SNX2: variants seen among roughly 807,000 people sequenced by gnomAD.
SNX2 encodes the protein sorting nexin 2.
In SNX2, 25 loss-of-function variants were observed where a neutral mutation model predicts 69.9. The observed-to-expected ratio is 0.36, with a 90% CI of 0.26 to 0.50. The LOEUF is 0.50. Among genes scored for constraint, SNX2 ranks in the 20% least tolerant of loss-of-function variants. SNX2 has a pLI of 0.97. For missense variants in SNX2, 551 were observed against 613.3 expected (o/e 0.90, Z 1.07); for synonymous variants, 229 against 200.4 (o/e 1.14, Z -1.20).
chr5:122,796,617 T>C (rs190821539), intron 2 of SNX2, among the ~76,000 whole-genome samples: 4 of 152,350 alleles, frequency 2.6e-5, no homozygotes, highest in African/African-American at 7.2e-5. Flanking sequence ...TTGTATCTTA[T>C]GCTAAAAGAT....
chr5:122,827,910 C>T, intron 14 of SNX2: 1 of 341,964 alleles, frequency 2.9e-6, no homozygotes, highest in East Asian at 4.9e-5. Context: ...GGCAACTTTC[C>T]CCTTTCACTG....
chr5:122,799,916 T>G, intron 3 of SNX2, 61 bp downstream of exon 3: 1 of 1,283,620 alleles, frequency 7.8e-7, no homozygotes, highest in Non-Finnish European at 1.1e-6. Flanking sequence ...CCACCCAACA[T>G]CACTCTGCTG....
At chr5:122,824,036 C>G (rs893920831) in intron 11 of SNX2, among the ~76,000 whole-genome samples, 1 of 151,836 alleles carries the variant, frequency 6.6e-6, no homozygotes, top group African/African-American at 2.4e-5. Context: ...CCCGTCTCTT[C>G]TAAAAATAAA....
intron 6 of SNX2, among the ~76,000 whole-genome samples, chr5:122,805,803 T>C (rs1468592979): frequency 6.6e-6 from 1 of 152,062 alleles, no homozygotes; most frequent in Middle Eastern, 3.2e-3. Flanking sequence ...TTTCTTGAGA[T>C]GGAGTCTTGC....
At chr5:122,829,491 T>C in intron 14 of SNX2, 107 bp from the exon 15 acceptor site, 1 of 803,140 alleles carries the variant, frequency 1.2e-6, no homozygotes, top group Admixed American at 2.3e-5. Context: ...AGGTGTGAGC[T>C]ACCCAGCCCG....
chr5:122,780,471 G>A (rs1752952235), intron 1 of SNX2, among the ~76,000 whole-genome samples: 1 of 151,978 alleles, frequency 6.6e-6, no homozygotes, highest in Admixed American at 6.5e-5. Flanking sequence ...GAATAAGACA[G>A]GAGACACTTT....
At chr5:122,780,361 G>A (rs1356756479) in intron 1 of SNX2, among the ~76,000 whole-genome samples, 1 of 152,122 alleles carries the variant, frequency 6.6e-6, no homozygotes. Context: ...TGATATATGT[G>A]TAATTAAAAT....
intron 1 of SNX2, among the ~76,000 whole-genome samples, chr5:122,791,637 G>A (rs1325538296): frequency 3.9e-5 from 6 of 152,108 alleles, no homozygotes; most frequent in Non-Finnish European, 5.9e-5. Context: ...GGCTGGTCTC[G>A]AACTCCTGAC....
rs373271822 is a variant in SNX2, at chr5:122,799,670, A to C, written c.227-22A>C. 18 of 1,595,148 alleles carry C rather than the reference A, an allele frequency of 1.1e-5. No homozygotes were observed. In the African/African-American group the frequency reaches 2.4e-4, roughly 22 times the overall value. Reference sequence around the variant, plus strand: ...GGTTTGCTTGCCAGTGTTCTTAACTAACTTGTTTAATCTATGTCTAGAAGC... The same window carrying C: ...GGTTTGCTTGCCAGTGTTCTTAACTCACTTGTTTAATCTATGTCTAGAAGC... On this transcript the variant is annotated intron_variant, in intron 2 of 14. Coordinates refer to ENST00000379516, the MANE Select transcript of SNX2 (RefSeq NM_003100.4).
intron 7 of SNX2, among the ~76,000 whole-genome samples, chr5:122,812,252 G>A (rs1753795091): frequency 6.6e-6 from 1 of 152,092 alleles, no homozygotes; most frequent in Admixed American, 6.5e-5. Context: ...CCTTTTAATG[G>A]ACTACAAGAC....
chr5:122,792,532 G>T, intron 1 of SNX2, among the ~76,000 whole-genome samples: 1 of 151,658 alleles, frequency 6.6e-6, no homozygotes, highest in East Asian at 1.9e-4. Flanking sequence ...GGGAGGTGGA[G>T]GTTACAGTGA....
chr5:122,818,669 A>G (rs1753952598), intron 10 of SNX2, 149 bp from the exon 11 acceptor site: 2 of 642,518 alleles, frequency 3.1e-6, no homozygotes, highest in East Asian at 5.7e-5. Context: ...AGGCATTTTA[A>G]CGACTAATTG....
At position 122,799,696 on chromosome 5, in the gene SNX2, C is replaced by G; in HGVS notation, c.231C>G (p.Ala77=). The change falls in exon 3 of 15, where the codon GCC becomes GCG. Residue 77 remains alanine (A), a synonymous_variant. Coordinates refer to ENST00000379516, the MANE Select transcript of SNX2 (RefSeq NM_003100.4). The stretch of plus-strand genomic sequence containing the variant: ...ACTTGTTTAATCTATGTCTAGAAGC[C>G]ACAGAAGAAGTTTCTTTGGACAGCC... The part of the protein sequence containing the change: ...DDDREDLFAE[A]TEEVSLDSPE... 6.2e-7 allele frequency: 1 copy of G among 1,610,526 alleles called. No homozygotes were observed. Among genetic ancestry groups the G allele is most frequent in the Non-Finnish European group, 8.5e-7 (1 of 1,178,118 alleles).
chr5:122,809,149 T>C (rs1753715414), intron 7 of SNX2, among the ~76,000 whole-genome samples: 1 of 152,154 alleles, frequency 6.6e-6, no homozygotes, highest in Non-Finnish European at 1.5e-5. Context: ...AACAACTGTT[T>C]TCATAGTATT....
intron 10 of SNX2, among the ~76,000 whole-genome samples, chr5:122,817,787 T>A (rs932407102): frequency 9.2e-5 from 14 of 152,182 alleles, no homozygotes; most frequent in Middle Eastern, 3.4e-3. Context: ...TTTTGAAAAT[T>A]TTTTGGAAAG....
rs751530683 is a variant in SNX2, at chr5:122,802,143, T to TA, written c.501+26dup. 3.7e-6 allele frequency: 6 copies of TA among 1,606,926 alleles called. No homozygotes were observed. The highest frequency in any genetic ancestry group is 4.3e-6 in the Non-Finnish European group (5 of 1,173,722). On this transcript the variant is annotated intron_variant, in intron 5 of 14. Transcript: ENST00000379516. ...AACAAAGGTGAGCTTTTTGTGCTTT[T>TA]AAAAAAACTATCGAGCCCTCATTAT...
At chr5:122,818,773 T>A in intron 10 of SNX2, 45 bp from the exon 11 acceptor site, 2 of 1,517,866 alleles carry the variant, frequency 1.3e-6, no homozygotes, top group Non-Finnish European at 1.8e-6. Context: ...ATTTTAAAAT[T>A]TTATGAGTGA....
At position 122,824,159 on chromosome 5, in the gene SNX2, G is replaced by A. The variant is rs1424393691; in HGVS notation, c.1213-1891G>A. Among the ~76,000 whole-genome samples, 4 of 148,742 alleles carry A rather than the reference G, an allele frequency of 2.7e-5. No individual in the cohort carries two copies. In the South Asian group the frequency reaches 6.4e-4, roughly 24 times the overall value. Reference sequence around the variant, plus strand: ...GGAGCTCGCAGTGAGCTGAGATCGCGCCACTGCACTCCAGCCTGGGCAACA... The same window carrying A: ...GGAGCTCGCAGTGAGCTGAGATCGCACCACTGCACTCCAGCCTGGGCAACA... On this transcript the variant is annotated intron_variant, in intron 11 of 14. Transcript: ENST00000379516.
rs914778837 is a variant in SNX2 at position 122,807,271 on chromosome 5, A to G, written c.644-1006A>G. Among the ~76,000 whole-genome samples, 4 of 152,150 alleles carry G rather than the reference A, an allele frequency of 2.6e-5. No homozygotes were observed. The East Asian group carries it at 7.7e-4, about 29-fold the overall frequency. On this transcript the variant is annotated intron_variant, in intron 6 of 14. Transcript: ENST00000379516. ...AGTGAGACCGTGTTTCGAAAAAGAA[A>G]AAAAAAAGGGTATCCAGTTCACTGG...
Sources: gnomAD v4.1 joint callset for allele counts (sites outside exome capture counted in the v4.1 genomes callset) on GRCh38, gnomAD v4.1.1 for gene constraint, MANE v1.5 for transcripts, NCBI Gene and HGNC (gene_info 2026-07-23, HGNC 2026-07-21) for gene names.